The following CSNK1G1 variants were observed in gnomAD, a reference collection of about 807,000 sequenced individuals.
CSNK1G1 encodes the protein casein kinase I isoform gamma-1.
CSNK1G1 carries 22 observed loss-of-function variants against 59.6 expected under a neutral mutation model. The ratio of observed to expected loss-of-function variants is 0.37; its 90% CI spans 0.26 to 0.53. The LOEUF is 0.53. Among genes scored for constraint, CSNK1G1 ranks in the 20% least tolerant of loss-of-function variants. The pLI is 0.89. For synonymous variants in CSNK1G1, 179 were observed against 177.1 expected, an observed-to-expected ratio of 1.01 and a Z score of -0.08; for missense variants, 384 against 519.5, an observed-to-expected ratio of 0.74 and a Z score of 2.54.
chr15:64,313,452 G>C (rs1039196904), intron 1 of CSNK1G1, among the ~76,000 whole-genome samples: 1 of 152,168 alleles, frequency 6.6e-6, no homozygotes, highest in Non-Finnish European at 1.5e-5. Flanking sequence ...CCTTTGCAGG[G>C]ACATGGATGA....
chr15:64,301,511 CAA>C (rs933964186), intron 1 of CSNK1G1, among the ~76,000 whole-genome samples: 1 of 143,462 alleles, frequency 7.0e-6, no homozygotes, highest in African/African-American at 2.6e-5. Context: ...GTATTCTTAA[CAA>C]AAAAAAAAAT....
intron 1 of CSNK1G1, among the ~76,000 whole-genome samples, chr15:64,307,931 C>G (rs1382339049): frequency 1.3e-5 from 2 of 152,116 alleles, no homozygotes; most frequent in Admixed American, 6.5e-5. Context: ...CATGATCCAC[C>G]CGCCTCAGCC....
At chr15:64,332,854 G>A (rs1279500168) in intron 1 of CSNK1G1, among the ~76,000 whole-genome samples, 1 of 151,982 alleles carries the variant, frequency 6.6e-6, no homozygotes, top group African/African-American at 2.4e-5. Context: ...TAGCCCACAA[G>A]ATAAATGAGA....
At position 64,169,186 on chromosome 15, in the gene CSNK1G1, T is replaced by C. The variant is rs2081636839; in HGVS notation, c.*2745A>G. On this transcript the variant is annotated 3_prime_UTR_variant, in exon 12 of 12. Coordinates refer to ENST00000303052, the MANE Select transcript of CSNK1G1 (RefSeq NM_022048.5). ...GGCTGAAGAGAGGCACTCAGTAGAGTATAGAGTGCCAGGATGCTCCAGGCA... is the reference window on the plus strand; with the variant it reads ...GGCTGAAGAGAGGCACTCAGTAGAGCATAGAGTGCCAGGATGCTCCAGGCA... The C allele has an allele frequency of 6.6e-6, 1 of 151,716 alleles. No homozygotes were observed. Among genetic ancestry groups the C allele is most frequent in the Non-Finnish European group, 1.5e-5 (1 of 67,974 alleles). 9.4% of individuals were successfully genotyped at this position (151,716 alleles called of 1,614,324 possible). A position where few individuals can be genotyped will look rare whatever the true frequency, so the allele number is the denominator to read the frequency against.
At chr15:64,263,760 GTC>G (rs937091894) in intron 2 of CSNK1G1, among the ~76,000 whole-genome samples, 3 of 124,724 alleles carry the variant, frequency 2.4e-5, no homozygotes, top group African/African-American at 9.4e-5. Flanking sequence ...ACATTTCTCA[GTC>G]TGTTTTCACT....
At chr15:64,172,975 T>C (rs1478857491) in intron 11 of CSNK1G1, among the ~76,000 whole-genome samples, 1 of 152,104 alleles carries the variant, frequency 6.6e-6, no homozygotes, top group African/African-American at 2.4e-5. Flanking sequence ...TCTGGGGAGC[T>C]GACACATGGG....
rs554319031 is a variant in CSNK1G1 at position 64,168,555 on chromosome 15, T to C, written c.*3376A>G. ...AACTCCTAATGTATACTATTAAGGG[T>C]TTTTATGAATAGATGCTGAGTTAGC... On this transcript the variant is annotated 3_prime_UTR_variant, in exon 12 of 12. Coordinates refer to ENST00000303052, the MANE Select transcript of CSNK1G1 (RefSeq NM_022048.5). The C allele has an allele frequency of 6.7e-4, 102 of 152,288 alleles. 1 individual carries two copies. Among genetic ancestry groups the C allele is most frequent in the African/African-American group, 2.4e-3 (101 of 41,550 alleles). 9.4% of individuals were successfully genotyped at this position (152,288 alleles called of 1,614,324 possible). A position where few individuals can be genotyped will look rare whatever the true frequency, so the allele number is the denominator to read the frequency against.
chr15:64,207,640 CAG>C, intron 6 of CSNK1G1, 46 bp from the exon 7 acceptor site: 1 of 1,481,142 alleles, frequency 6.8e-7, no homozygotes, highest in Non-Finnish European at 9.4e-7. Flanking sequence ...GTTATTAAAG[CAG>C]AAAGAGGTTC....
Position 64,255,311 on chromosome 15 carries a change from G to A in CSNK1G1, c.223-3730C>T, listed in dbSNP as rs189894332. 3.5e-4 allele frequency among the ~76,000 whole-genome samples: 53 copies of A among 152,032 alleles called. No homozygotes were observed. In the East Asian group the frequency reaches 9.3e-3, roughly 27 times the overall value. On this transcript the variant is annotated intron_variant, in intron 3 of 11. Coordinates refer to ENST00000303052, the MANE Select transcript of CSNK1G1 (RefSeq NM_022048.5). ...AGGCTGGTCGCAAACTCCTGACCTC[G>A]TAATCCACCCACCTCAGCCTCCCAA... is the stretch of plus-strand genomic sequence containing the variant.
At position 64,310,769 on chromosome 15, in the gene CSNK1G1, G is replaced by A. The variant is rs534629610; in HGVS notation, c.-224-10046C>T. ...CGCCTGTAATCCCAGCACTTTGGGA[G>A]GCCGAGGCAGGCAGATCACAAGGTC... is the stretch of plus-strand genomic sequence containing the variant. On this transcript the variant is annotated intron_variant, in intron 1 of 11. Coordinates refer to ENST00000303052, the MANE Select transcript of CSNK1G1 (RefSeq NM_022048.5). Among the ~76,000 whole-genome samples, 8 of 152,118 alleles carry A rather than the reference G, an allele frequency of 5.3e-5. No homozygotes were observed. In the South Asian group the frequency reaches 1.2e-3, roughly 24 times the overall value.
At chr15:64,198,000 C>A (rs1459173206) in intron 10 of CSNK1G1, among the ~76,000 whole-genome samples, 2 of 151,888 alleles carry the variant, frequency 1.3e-5, no homozygotes, top group Non-Finnish European at 2.9e-5. Flanking sequence ...ATGTCAAATG[C>A]AGCTTCTCTC....
At chr15:64,308,025 T>C (rs1895781608) in intron 1 of CSNK1G1, among the ~76,000 whole-genome samples, 1 of 152,062 alleles carries the variant, frequency 6.6e-6, no homozygotes, top group Non-Finnish European at 1.5e-5. Context: ...GAAAAAAATG[T>C]TCGTCTTCTA....
chr15:64,257,239 G>C (rs1159445384), intron 3 of CSNK1G1, among the ~76,000 whole-genome samples: 1 of 151,918 alleles, frequency 6.6e-6, no homozygotes, highest in Non-Finnish European at 1.5e-5. Context: ...GATCAATCAT[G>C]TCAACAATAT....
At chr15:64,295,559 T>C (rs1230469655) in intron 2 of CSNK1G1, among the ~76,000 whole-genome samples, 2 of 152,198 alleles carry the variant, frequency 1.3e-5, no homozygotes, top group African/African-American at 2.4e-5. Flanking sequence ...TCAGCCTTTC[T>C]TGAGTACCCA....
At chr15:64,233,015 C>T (rs2082568880) in intron 4 of CSNK1G1, among the ~76,000 whole-genome samples, 1 of 152,150 alleles carries the variant, frequency 6.6e-6, no homozygotes, top group Admixed American at 6.6e-5. Context: ...TATAACTAAT[C>T]ACAACTCTTC....
rs751689351 is a variant in CSNK1G1, at chr15:64,214,659, C to CATT, written c.445-538_445-536dup. On this transcript the variant is annotated intron_variant, in intron 5 of 11. Coordinates refer to ENST00000303052, the MANE Select transcript of CSNK1G1 (RefSeq NM_022048.5). This position sits in a 1 kb window ranked among gnomAD's most constrained non-coding sequence, Gnocchi z 4.3. ...TAGCAGCAGAGACAGGGAAACAGTT[C>CATT]ATTATTATTATTATTATTTTTGAGA... Among the ~76,000 whole-genome samples, 7 of 151,928 alleles carry CATT rather than the reference C, an allele frequency of 4.6e-5. No individual in the cohort carries two copies. The highest frequency in any genetic ancestry group is 1.3e-4 in the Admixed American group (2 of 15,236).
intron 1 of CSNK1G1, among the ~76,000 whole-genome samples, chr15:64,301,368 CAA>C (rs5813288): frequency 0.01 from 1,464 of 142,036 alleles, 5 homozygotes; most frequent in East Asian, 0.034. Flanking sequence ...GAAAATAAAG[CAA>C]AAAAAAAAAA....
intron 1 of CSNK1G1, among the ~76,000 whole-genome samples, chr15:64,311,271 C>A (rs957071260): frequency 2.6e-5 from 4 of 151,722 alleles, no homozygotes; most frequent in African/African-American, 4.8e-5. Context: ...GTCGCGAACT[C>A]CTGTCCTCAG....
chr15:64,286,903 A>AT (rs1456137449), intron 2 of CSNK1G1, among the ~76,000 whole-genome samples: 13 of 152,334 alleles, frequency 8.5e-5, no homozygotes, highest in African/African-American at 3.1e-4. Flanking sequence ...ATGATCCACC[A>AT]TAAAAACTAG....
Sources: allele counts gnomAD v4.1 joint callset (sites outside exome capture counted in the v4.1 genomes callset), GRCh38; gene constraint gnomAD v4.1.1; non-coding constraint Gnocchi (gnomAD v3.1); transcripts MANE v1.5; gene names NCBI Gene and HGNC (gene_info 2026-07-23, HGNC 2026-07-21).